Variants in ARID1B observed in about 807,000 individuals in gnomAD.
ARID1B encodes AT-rich interaction domain 1B.
Under a neutral mutation model 212.3 loss-of-function variants are expected in ARID1B, and 30 were observed. The observed-to-expected ratio is 0.14, with a 90% CI of 0.11 to 0.19. The LOEUF (loss-of-function observed/expected upper bound fraction) is 0.19, where lower values mean the gene tolerates loss of function less well. ARID1B is among the 10% of genes least tolerant of loss of function. The pLI is 1.00. For missense variants in ARID1B, 2,891 were observed against 3,204.0 expected (o/e 0.90, Z 2.36); for synonymous variants, 1,402 against 1,301.7 (o/e 1.08, Z -1.66).
At chr6:157,121,069 T>C (rs1787677689) in intron 6 of ARID1B, among the ~76,000 whole-genome samples, 1 of 152,218 alleles carries the variant, frequency 6.6e-6, no homozygotes, top group South Asian at 2.1e-4. Context: ...TTGTGTCCCA[T>C]GAAGAGGAAA....
intron 7 of ARID1B, among the ~76,000 whole-genome samples, chr6:157,133,722 ACT>A (rs1300251084): frequency 2.6e-5 from 4 of 152,018 alleles, no homozygotes; most frequent in African/African-American, 9.7e-5. Flanking sequence ...CCCCAGTGTG[ACT>A]CTTCGGAGAC....
At chr6:156,838,123 A>C (rs115374171) in intron 2 of ARID1B, among the ~76,000 whole-genome samples, 430 of 152,244 alleles carry the variant, frequency 2.8e-3, no homozygotes, top group African/African-American at 1.0e-2. Context: ...GAGCATGCTT[A>C]TTTTATTTTA....
intron 7 of ARID1B, among the ~76,000 whole-genome samples, chr6:157,138,494 T>C (rs1789099948): frequency 6.6e-6 from 1 of 152,182 alleles, no homozygotes. Flanking sequence ...CACCTCGGCC[T>C]CCCAAAGTGC....
chr6:156,810,209 T>A (rs182662966), intron 1 of ARID1B, among the ~76,000 whole-genome samples: 2 of 152,370 alleles, frequency 1.3e-5, no homozygotes, highest in Admixed American at 1.3e-4. Context: ...TTGGTATTAT[T>A]GCTAGCATTT....
intron 8 of ARID1B, among the ~76,000 whole-genome samples, chr6:157,163,313 C>T (rs1295890165): frequency 1.3e-5 from 2 of 152,116 alleles, no homozygotes; most frequent in African/African-American, 4.8e-5. Context: ...GCCACAGACT[C>T]CTCCTAGGTT....
chr6:157,103,362 T>C (rs1228569351), intron 5 of ARID1B, among the ~76,000 whole-genome samples: 2 of 152,218 alleles, frequency 1.3e-5, no homozygotes, highest in African/African-American at 4.8e-5. Flanking sequence ...ATGTACATTG[T>C]AGTCAGTTGA....
At chr6:157,039,695 T>C (rs1421875023) in intron 4 of ARID1B, among the ~76,000 whole-genome samples, 2 of 77,396 alleles carry the variant, frequency 2.6e-5, no homozygotes, top group South Asian at 3.4e-4. Flanking sequence ...CCTTCCTTCC[T>C]TCTTTCTTTC....
At position 156,812,962 on chromosome 6, in the gene ARID1B, G is replaced by A. The variant is rs1781662724; in HGVS notation, c.1792-16265G>A. Among the ~76,000 whole-genome samples the A allele has an allele frequency of 2.6e-4, 29 of 111,294 alleles. 1 individual carries two copies. The highest frequency in any genetic ancestry group is 1.8e-3 in the Admixed American group (17 of 9,500). 73.0% of individuals were successfully genotyped at this position (111,294 alleles called of 152,430 possible). ...TGTGTGTGTGTGTGTGTGTGTGTGT[G>A]TGTGTGTGTGTGTGTATGTATATAC... On this transcript the variant is annotated intron_variant, in intron 1 of 19. Transcript: ENST00000636930.
intron 18 of ARID1B, among the ~76,000 whole-genome samples, chr6:157,202,165 A>G (rs991107262): frequency 6.6e-6 from 1 of 152,234 alleles, no homozygotes; most frequent in African/African-American, 2.4e-5. Flanking sequence ...GCCAAGAACC[A>G]TGTCAATCGA....
intron 4 of ARID1B, among the ~76,000 whole-genome samples, chr6:157,083,820 C>A (rs1229933648): frequency 6.6e-6 from 1 of 152,188 alleles, no homozygotes; most frequent in African/African-American, 2.4e-5. Context: ...TTATTATTTT[C>A]TTTTAATGGC....
At position 157,189,919 on chromosome 6, in the gene ARID1B, T is replaced by C. The variant is rs1793237096; in HGVS notation, c.4059-119T>C. ...TTGATGACTGCCAGTTTTCTTCATG[T>C]CATTTATCTTGAATGGTTTTTGCAT... is the stretch of plus-strand genomic sequence containing the variant. On this transcript the variant is annotated intron_variant, in intron 14 of 19. Coordinates refer to ENST00000636930, the MANE Select transcript of ARID1B (RefSeq NM_001374828.1). 4 of 1,571,782 alleles carry C rather than the reference T, an allele frequency of 2.5e-6. No homozygotes were observed. In the East Asian group the frequency reaches 8.9e-5, roughly 35 times the overall value.
chr6:157,023,426 C>G (rs1321778051), intron 4 of ARID1B: 3 of 152,188 alleles, frequency 2.0e-5, no homozygotes, highest in Non-Finnish European at 4.4e-5. Flanking sequence ...TTAATTTTCT[C>G]TGTATCTCAG....
At chr6:157,019,906 TG>T (rs1185869422) in intron 4 of ARID1B, among the ~76,000 whole-genome samples, 1 of 152,246 alleles carries the variant, frequency 6.6e-6, no homozygotes, top group African/African-American at 2.4e-5. Context: ...TGGGTGTATC[TG>T]GACGACTCCT....
chr6:156,865,369 C>T (rs1785609432), intron 2 of ARID1B, among the ~76,000 whole-genome samples: 1 of 152,198 alleles, frequency 6.6e-6, no homozygotes, highest in East Asian at 1.9e-4. Flanking sequence ...CTGGAAATCA[C>T]TTTCCTTCAC....
chr6:156,866,698 C>T (rs990489794), intron 2 of ARID1B, among the ~76,000 whole-genome samples: 9 of 152,162 alleles, frequency 5.9e-5, no homozygotes, highest in Admixed American at 1.3e-4. Context: ...GGTCTGACTG[C>T]TGTTGTGTGC....
intron 4 of ARID1B, among the ~76,000 whole-genome samples, chr6:157,084,258 G>A (rs1318914737): frequency 1.3e-5 from 2 of 151,610 alleles, no homozygotes; most frequent in Non-Finnish European, 2.9e-5. Context: ...CTGAAAAAAA[G>A]GACTCAAAGC....
chr6:157,074,762 C>G (rs940665814), intron 4 of ARID1B, among the ~76,000 whole-genome samples: 1 of 152,042 alleles, frequency 6.6e-6, no homozygotes, highest in Admixed American at 6.5e-5. Flanking sequence ...GTGAAGTGAT[C>G]ATCAGAGGAA....
chr6:156,996,425 T>G (rs986893754), intron 4 of ARID1B, among the ~76,000 whole-genome samples: 1 of 152,186 alleles, frequency 6.6e-6, no homozygotes, highest in African/African-American at 2.4e-5. Context: ...GTGTGCCTGG[T>G]TAGAGATAGG....
chr6:157,171,300 C>A (rs1791701926), intron 9 of ARID1B, among the ~76,000 whole-genome samples: 1 of 152,240 alleles, frequency 6.6e-6, no homozygotes. Context: ...GTTACAGATT[C>A]TTTACTGCCC....
Sources: allele counts gnomAD v4.1 joint callset (sites outside exome capture counted in the v4.1 genomes callset), GRCh38; gene constraint gnomAD v4.1.1; transcripts MANE v1.5; gene names NCBI Gene and HGNC (gene_info 2026-07-23, HGNC 2026-07-21).